CAMK2D: variants seen among roughly 807,000 people sequenced by gnomAD.
The protein encoded by CAMK2D is calcium/calmodulin dependent protein kinase II delta.
CAMK2D carries 37 observed loss-of-function variants against 84.0 expected under a neutral mutation model. That is an observed-to-expected ratio of 0.44 (90% CI 0.34 to 0.58). CAMK2D has a LOEUF of 0.58. Among genes scored for constraint, CAMK2D ranks in the 20% least tolerant of loss-of-function variants. The pLI is 0.02. For synonymous variants in CAMK2D, 202 were observed against 212.5 expected (o/e 0.95, Z 0.43); for missense variants, 448 against 652.5 (o/e 0.69, Z 3.41).
At chr4:113,660,797 T>TC (rs1468271579) in intron 3 of CAMK2D, among the ~76,000 whole-genome samples, 1 of 149,530 alleles carries the variant, frequency 6.7e-6, no homozygotes, top group East Asian at 1.9e-4. Context: ...ACAATTCTTT[T>TC]TTTTTTTTTT....
intron 16 of CAMK2D, among the ~76,000 whole-genome samples, chr4:113,468,753 C>G (rs1050483290): frequency 1.3e-5 from 2 of 152,108 alleles, no homozygotes; most frequent in Non-Finnish European, 2.9e-5. Context: ...AATAACCACT[C>G]CAAAAGTCAA....
At chr4:113,596,339 C>G (rs2098926437) in intron 4 of CAMK2D, among the ~76,000 whole-genome samples, 2 of 152,130 alleles carry the variant, frequency 1.3e-5, no homozygotes, top group African/African-American at 4.8e-5. Context: ...CAACTTCTTC[C>G]AAACTCCTGT....
Position 113,761,188 on chromosome 4 carries a change from C to A in CAMK2D, c.-120G>T. On this transcript the variant is annotated 5_prime_UTR_variant, in exon 1 of 21. Coordinates refer to ENST00000511664, the MANE Select transcript of CAMK2D (RefSeq NM_001321571.2). ...CCAGGGCCGCTCTTACTTTCCTGGTCCGAAAGTAGCTCGCCCGCGAGGGAG... is the reference window on the plus strand; with the variant it reads ...CCAGGGCCGCTCTTACTTTCCTGGTACGAAAGTAGCTCGCCCGCGAGGGAG... The A allele has an allele frequency of 6.3e-7, 1 of 1,579,804 alleles. No homozygotes were observed. Among genetic ancestry groups the A allele is most frequent in the Non-Finnish European group, 8.6e-7 (1 of 1,168,010 alleles).
At chr4:113,695,445 T>C (rs2099399761) in intron 2 of CAMK2D, among the ~76,000 whole-genome samples, 1 of 152,112 alleles carries the variant, frequency 6.6e-6, no homozygotes, top group Non-Finnish European at 1.5e-5. Flanking sequence ...AAATTTAACA[T>C]GACCAAACTT....
chr4:113,490,232 A>C lies in CAMK2D; in HGVS notation c.1135+10231T>G, dbSNP rs557498284. Among the ~76,000 whole-genome samples, 1,297 of 149,402 alleles carry C rather than the reference A, an allele frequency of 8.7e-3. 24 individuals are homozygous for C. The highest frequency in any genetic ancestry group is 0.03 in the African/African-American group (1,202 of 39,814). Reference sequence around the variant, plus strand: ...AGTCCTTGCCCATGCTTATGTCGTGAATGGTAATGCCTAGGTTTTCTTCTA... The same window carrying C: ...AGTCCTTGCCCATGCTTATGTCGTGCATGGTAATGCCTAGGTTTTCTTCTA... On this transcript the variant is annotated intron_variant, in intron 16 of 20. Transcript: ENST00000511664.
intron 3 of CAMK2D, among the ~76,000 whole-genome samples, chr4:113,660,803 T>TC (rs1184257892): frequency 6.6e-6 from 1 of 150,758 alleles, no homozygotes; most frequent in East Asian, 1.9e-4. Context: ...CTTTTTTTTT[T>TC]TTTTTTTTTG....
At chr4:113,650,789 A>C (rs2099169589) in intron 3 of CAMK2D, among the ~76,000 whole-genome samples, 1 of 152,190 alleles carries the variant, frequency 6.6e-6, no homozygotes, top group South Asian at 2.1e-4. Flanking sequence ...AATAATAATT[A>C]TGGATGTCTC....
intron 5 of CAMK2D, chr4:113,548,791 A>C (rs1421986295): frequency 1.6e-5 from 12 of 762,126 alleles, no homozygotes; most frequent in Non-Finnish European, 2.7e-5. Flanking sequence ...ATCACATTGA[A>C]TATGAAATAA....
intron 2 of CAMK2D, among the ~76,000 whole-genome samples, chr4:113,696,231 C>T (rs963469682): frequency 2.8e-5 from 4 of 142,534 alleles, no homozygotes; most frequent in South Asian, 2.3e-4. Flanking sequence ...CACACACACA[C>T]ATACACATAT....
chr4:113,697,344 C>T (rs1250157451), intron 2 of CAMK2D, among the ~76,000 whole-genome samples: 5 of 151,970 alleles, frequency 3.3e-5, no homozygotes, highest in Admixed American at 2.6e-4. Flanking sequence ...GATCAAGAAA[C>T]CAGCCTAAAT....
At chr4:113,747,345 A>T (rs2099606932) in intron 2 of CAMK2D, among the ~76,000 whole-genome samples, 1 of 149,616 alleles carries the variant, frequency 6.7e-6, no homozygotes. Context: ...AGCGTATGCA[A>T]ATCTTACTGC....
chr4:113,726,402 T>C (rs2099546217), intron 2 of CAMK2D, among the ~76,000 whole-genome samples: 1 of 134,634 alleles, frequency 7.4e-6, no homozygotes, highest in Non-Finnish European at 1.6e-5. Context: ...TTTTTTTGAG[T>C]TGGGGTCTCA....
chr4:113,554,639 T>C (rs575751082), intron 4 of CAMK2D, among the ~76,000 whole-genome samples: 1 of 152,266 alleles, frequency 6.6e-6, no homozygotes, highest in African/African-American at 2.4e-5. Flanking sequence ...ATATCAGTTA[T>C]AATAGAATTC....
intron 16 of CAMK2D, among the ~76,000 whole-genome samples, chr4:113,478,309 T>C (rs1223552667): frequency 3.3e-5 from 5 of 152,192 alleles, no homozygotes; most frequent in African/African-American, 9.6e-5. Flanking sequence ...TGTTACAAAA[T>C]TGTAGTACAG....
intron 3 of CAMK2D, among the ~76,000 whole-genome samples, chr4:113,653,483 T>C (rs2099184581): frequency 6.6e-6 from 1 of 152,060 alleles, no homozygotes; most frequent in South Asian, 2.1e-4. Flanking sequence ...TTACTCTTGT[T>C]TGATTACAAA....
chr4:113,683,984 T>C (rs1189561960), intron 2 of CAMK2D, among the ~76,000 whole-genome samples: 2 of 152,174 alleles, frequency 1.3e-5, no homozygotes, highest in Admixed American at 6.5e-5. Context: ...TCTCTGTACC[T>C]CAGTTTCTTC....
chr4:113,468,044 T>C (rs920617594), intron 16 of CAMK2D, among the ~76,000 whole-genome samples: 1 of 151,998 alleles, frequency 6.6e-6, no homozygotes, highest in Non-Finnish European at 1.5e-5. Flanking sequence ...ACGTCCTTCG[T>C]GGAGCTTCAT....
At chr4:113,721,808 G>A (rs2148633866) in intron 2 of CAMK2D, among the ~76,000 whole-genome samples, 1 of 152,212 alleles carries the variant, frequency 6.6e-6, no homozygotes, top group Non-Finnish European at 1.5e-5. Context: ...GCATTTTCTG[G>A]CCCTAAGACG....
chr4:113,634,727 G>A (rs574516871), intron 3 of CAMK2D, among the ~76,000 whole-genome samples: 3 of 152,286 alleles, frequency 2.0e-5, no homozygotes, highest in South Asian at 2.1e-4. Flanking sequence ...TCTGTGCCAG[G>A]AGACTTTATA....
Sources: gnomAD v4.1 joint callset for allele counts (sites outside exome capture counted in the v4.1 genomes callset) on GRCh38, gnomAD v4.1.1 for gene constraint, MANE v1.5 for transcripts, NCBI Gene and HGNC (gene_info 2026-07-23, HGNC 2026-07-21) for gene names.